Variants in GRM5 observed in about 807,000 individuals in gnomAD.
GRM5 encodes the protein metabotropic glutamate receptor 5.
A neutral mutation model predicts 83.1 loss-of-function variants in GRM5; 19 were observed. That is an observed-to-expected ratio of 0.23 (90% confidence interval 0.16 to 0.34). GRM5 has a LOEUF of 0.34. Ranked by LOEUF, GRM5 falls within the 10% of genes least tolerant of loss-of-function variation. GRM5 has a pLI of 1.00. For missense variants in GRM5, 1,160 were observed against 1,588.3 expected, an observed-to-expected ratio of 0.73 and a Z score of 4.58; for synonymous variants, 675 against 633.6, an observed-to-expected ratio of 1.07 and a Z score of -0.98.
chr11:88,844,213 T>C (rs1944257291), intron 3 of GRM5, among the ~76,000 whole-genome samples: 3 of 152,146 alleles, frequency 2.0e-5, no homozygotes, highest in Admixed American at 1.3e-4. Context: ...AACAATCATT[T>C]CCATTCTGAG....
At chr11:88,830,359 C>A (rs564339056) in intron 3 of GRM5, among the ~76,000 whole-genome samples, 2 of 151,960 alleles carry the variant, frequency 1.3e-5, no homozygotes, top group African/African-American at 4.8e-5. Context: ...AGAGAGGCTT[C>A]AAAATGGCTG....
intron 4 of GRM5, among the ~76,000 whole-genome samples, chr11:88,632,141 A>G (rs1591395854): frequency 6.6e-6 from 1 of 151,424 alleles, no homozygotes. Flanking sequence ...TTTGTAATCC[A>G]TCACTCCCCA....
chr11:89,061,012 C>A (rs495695), intron 1 of GRM5, among the ~76,000 whole-genome samples: 13,223 of 152,070 alleles, frequency 0.087, 585 homozygotes, highest in South Asian at 0.13. Context: ...CAGAATCTTC[C>A]TGCTTTGTAA....
intron 3 of GRM5, among the ~76,000 whole-genome samples, chr11:88,668,316 C>T (rs1393767092): frequency 6.6e-6 from 1 of 151,022 alleles, no homozygotes; most frequent in Admixed American, 6.6e-5. Flanking sequence ...CACACACACA[C>T]ACACACACAC....
intron 2 of GRM5, among the ~76,000 whole-genome samples, chr11:88,925,085 C>T (rs941015096): frequency 5.9e-5 from 9 of 151,846 alleles, no homozygotes; most frequent in Non-Finnish European, 1.0e-4. Context: ...TATAACTACA[C>T]GTGTTGTTGA....
chr11:88,540,554 T>C (rs1942243086), intron 8 of GRM5, among the ~76,000 whole-genome samples: 1 of 151,902 alleles, frequency 6.6e-6, no homozygotes, highest in African/African-American at 2.4e-5. Flanking sequence ...AGAGAAGCAG[T>C]TCTGGAAAGT....
chr11:88,791,255 G>C lies in GRM5; in HGVS notation c.911+58651C>G, dbSNP rs374907320. On this transcript the variant is annotated intron_variant, in intron 3 of 9. Transcript: ENST00000305447. ...AAGATAATGCACTGGCTGGGTTTGA[G>C]ATGCTTACGAAAAATGCACTGGAAA... 4.5e-4 allele frequency among the ~76,000 whole-genome samples: 69 copies of C among 152,280 alleles called. 1 individual carries two copies. Among genetic ancestry groups the C allele is most frequent in the African/African-American group, 1.6e-3 (68 of 41,566 alleles).
chr11:88,871,686 AC>A (rs1944770918), intron 2 of GRM5, among the ~76,000 whole-genome samples: 1 of 151,526 alleles, frequency 6.6e-6, no homozygotes, highest in African/African-American at 2.4e-5. Context: ...AGCAAGGAAG[AC>A]CCTAGCATAT....
chr11:88,901,153 G>A (rs1945308633), intron 2 of GRM5, among the ~76,000 whole-genome samples: 1 of 152,108 alleles, frequency 6.6e-6, no homozygotes, highest in African/African-American at 2.4e-5. Flanking sequence ...GGTAACTTGT[G>A]AGATCCGTGT....
chr11:89,050,053 G>C (rs1211796401), intron 1 of GRM5, among the ~76,000 whole-genome samples: 1 of 152,110 alleles, frequency 6.6e-6, no homozygotes, highest in Non-Finnish European at 1.5e-5. Context: ...TGAGAGACCT[G>C]GTGTCCTGTC....
chr11:88,628,448 T>A (rs972559029), intron 4 of GRM5, among the ~76,000 whole-genome samples: 1 of 152,196 alleles, frequency 6.6e-6, no homozygotes, highest in East Asian at 1.9e-4. Flanking sequence ...TGGAAAGAAA[T>A]CATGTGCCAT....
chr11:88,625,841 C>A (rs894667495), intron 4 of GRM5, among the ~76,000 whole-genome samples: 1 of 152,114 alleles, frequency 6.6e-6, no homozygotes, highest in Non-Finnish European at 1.5e-5. Flanking sequence ...CAACACAAAT[C>A]CAAACTCTTC....
chr11:88,869,861 T>TA (rs1190400986), intron 2 of GRM5, among the ~76,000 whole-genome samples: 1 of 151,600 alleles, frequency 6.6e-6, no homozygotes, highest in African/African-American at 2.4e-5. Context: ...TCTGTCAGTA[T>TA]AAAATCCCTG....
chr11:88,909,392 T>C (rs943163159), intron 2 of GRM5, among the ~76,000 whole-genome samples: 1 of 56,418 alleles, frequency 1.8e-5, no homozygotes, highest in Admixed American at 2.5e-4. Flanking sequence ...ATATTATTCT[T>C]TTCTACTTTC....
At chr11:88,647,979 G>T (rs974678754) in intron 4 of GRM5, among the ~76,000 whole-genome samples, 1 of 150,150 alleles carries the variant, frequency 6.7e-6, no homozygotes, top group Non-Finnish European at 1.5e-5. Context: ...AGTTAGAATG[G>T]CAATCATTAA....
intron 5 of GRM5, among the ~76,000 whole-genome samples, chr11:88,598,674 C>T (rs1021771187): frequency 2.0e-5 from 3 of 152,180 alleles, no homozygotes; most frequent in East Asian, 1.9e-4. Context: ...AAAGAACTCA[C>T]GTATTATGTC....
intron 8 of GRM5, among the ~76,000 whole-genome samples, chr11:88,539,198 T>C (rs546815504): frequency 4.0e-4 from 61 of 152,350 alleles, no homozygotes; most frequent in African/African-American, 1.4e-3. Context: ...TGATGGAGTA[T>C]CAGGGTCCCT....
At chr11:88,819,161 C>T (rs541413871) in intron 3 of GRM5, among the ~76,000 whole-genome samples, 1 of 152,272 alleles carries the variant, frequency 6.6e-6, no homozygotes, top group Non-Finnish European at 1.5e-5. Flanking sequence ...GAGCATAGGT[C>T]TTGGAATCAA....
intron 3 of GRM5, among the ~76,000 whole-genome samples, chr11:88,744,566 T>C (rs1942093431): frequency 6.6e-6 from 1 of 152,092 alleles, no homozygotes; most frequent in Non-Finnish European, 1.5e-5. Context: ...ACCCCACCTT[T>C]CAATCCCTAC....
Sources: allele counts gnomAD v4.1 joint callset (sites outside exome capture counted in the v4.1 genomes callset), GRCh38; gene constraint gnomAD v4.1.1; transcripts MANE v1.5; gene names NCBI Gene and HGNC (gene_info 2026-07-23, HGNC 2026-07-21).